ZNF267: variants seen among roughly 807,000 people sequenced by gnomAD.
ZNF267 encodes zinc finger protein 267.
A neutral mutation model predicts 71.6 loss-of-function variants in ZNF267; 61 were observed. The ratio of observed to expected loss-of-function variants is 0.85; its 90% CI spans 0.69 to 1.05. The LOEUF (loss-of-function observed/expected upper bound fraction) is 1.05, where lower values mean the gene tolerates loss of function less well. Ranked by LOEUF, ZNF267 falls within the 50% of genes least tolerant of loss-of-function variation. The pLI is 0.00. For missense variants in ZNF267, 852 were observed against 870.0 expected, an observed-to-expected ratio of 0.98 and a Z score of 0.26; for synonymous variants, 288 against 293.2, an observed-to-expected ratio of 0.98 and a Z score of 0.18.
chr16:31,899,678 A>T (rs1364984425), intron 3 of ZNF267, among the ~76,000 whole-genome samples: 1 of 152,186 alleles, frequency 6.6e-6, no homozygotes, highest in Admixed American at 6.5e-5. Flanking sequence ...AAAATGTGAG[A>T]GATGTGCCTA....
chr16:31,882,383 T>C (rs183017127), intron 1 of ZNF267, among the ~76,000 whole-genome samples: 1 of 152,194 alleles, frequency 6.6e-6, no homozygotes, highest in Non-Finnish European at 1.5e-5. Context: ...ATTAGAGTAT[T>C]GGGCGTAAGG....
chr16:31,881,853 CAG>C (rs1264805488), intron 1 of ZNF267, among the ~76,000 whole-genome samples: 1 of 151,930 alleles, frequency 6.6e-6, no homozygotes, highest in East Asian at 1.9e-4. Flanking sequence ...TTAGTAGAGA[CAG>C]GGTTTCACAA....
intron 3 of ZNF267, chr16:31,912,320 A>G (rs1427497941): frequency 1.3e-5 from 2 of 151,740 alleles, no homozygotes; most frequent in Admixed American, 1.3e-4. Flanking sequence ...GGGATAGACT[A>G]TTCTAGTGTA....
Position 31,914,583 on chromosome 16 carries a change from C to A in ZNF267, c.334C>A (p.His112Asn), listed in dbSNP as rs2084158745. 2 of 1,614,056 alleles carry A rather than the reference C, an allele frequency of 1.2e-6. No homozygotes were observed. The highest frequency in any genetic ancestry group is 2.7e-5 in the African/African-American group (2 of 75,002). Reference sequence around the variant, plus strand: ...TGGGAGCTGTGATCTTGAGAATTTACATTTAAGAAAAAGGTGGAAAAGGGA... The same window carrying A: ...TGGGAGCTGTGATCTTGAGAATTTAAATTTAAGAAAAAGGTGGAAAAGGGA... ...RHGSCDLENL[H>N]LRKRWKREEC... The change falls in exon 4 of 4, where the codon CAT becomes AAT. Residue 112 changes from histidine (H) to asparagine (N), a missense_variant. Physicochemically the swap from His to Asn is moderately conservative, Grantham distance 68. Transcript: ENST00000300870.
At chr16:31,874,183 C>T (rs1409328186) in intron 1 of ZNF267, 2 of 529,094 alleles carry the variant, frequency 3.8e-6, no homozygotes, top group African/African-American at 4.0e-5. Flanking sequence ...CCATCCCGAC[C>T]CCGCAGAGCG....
chr16:31,901,465 T>C (rs2142350813), intron 3 of ZNF267, among the ~76,000 whole-genome samples: 1 of 152,178 alleles, frequency 6.6e-6, no homozygotes, highest in Non-Finnish European at 1.5e-5. Flanking sequence ...AGCACTTGTT[T>C]CCTGACTTTT....
intron 3 of ZNF267, chr16:31,890,216 G>A (rs537039755): frequency 1.3e-5 from 2 of 152,162 alleles, no homozygotes; most frequent in East Asian, 3.9e-4. Context: ...GGACATTGAA[G>A]TTCCCTGTTA....
rs2084182896 is a variant in ZNF267 at position 31,916,910 on chromosome 16, C to T, written c.*429C>T. 6.2e-6 allele frequency: 1 copy of T among 162,094 alleles called. No individual in the cohort carries two copies. The highest frequency in any genetic ancestry group is 1.4e-5 in the Non-Finnish European group (1 of 73,678). 10.0% of individuals were successfully genotyped at this position (162,094 alleles called of 1,614,324 possible). A position where few individuals can be genotyped will look rare whatever the true frequency, so the allele number is the denominator to read the frequency against. ...AGCACAGACACTTTCAGCCTTTATACTAAATAAGAGTATTTTTTGTACAGA... is the reference window on the plus strand; with the variant it reads ...AGCACAGACACTTTCAGCCTTTATATTAAATAAGAGTATTTTTTGTACAGA... On this transcript the variant is annotated 3_prime_UTR_variant, in exon 4 of 4. Transcript: ENST00000300870.
chr16:31,910,678 A>T (rs1018745969), intron 3 of ZNF267, among the ~76,000 whole-genome samples: 5 of 151,482 alleles, frequency 3.3e-5, no homozygotes, highest in African/African-American at 1.2e-4. Flanking sequence ...TTATCTGCTT[A>T]AAAAAATCAA....
rs776693859 is a variant in ZNF267 at position 31,914,969 on chromosome 16, A to G, written c.720A>G (p.Leu240=). ...SPKNHQENYF[L]EKQYKCKEFE... is the part of the protein sequence containing the mutation. ...AAAATCATCAGGAAAATTATTTTCT[A>G]GAAAAACAATACAAATGTAAAGAAT... Residue 240 remains leucine (L), a synonymous_variant, in exon 4 of 4, where the codon CTA becomes CTG. Coordinates refer to ENST00000300870, the MANE Select transcript of ZNF267 (RefSeq NM_003414.6). 1 of 1,609,578 alleles carries G rather than the reference A, an allele frequency of 6.2e-7. No individual in the cohort carries two copies. Among genetic ancestry groups the G allele is most frequent in the Admixed American group, 1.7e-5 (1 of 59,084 alleles).
At chr16:31,876,532 T>A (rs1187861619) in intron 1 of ZNF267, among the ~76,000 whole-genome samples, 1 of 152,234 alleles carries the variant, frequency 6.6e-6, no homozygotes, top group Non-Finnish European at 1.5e-5. Context: ...GATGTATGGC[T>A]TTAATGCTGA....
intron 1 of ZNF267, chr16:31,875,447 C>A: frequency 1.6e-6 from 1 of 644,924 alleles, no homozygotes; most frequent in Non-Finnish European, 2.2e-6. Context: ...CTTGGAGACA[C>A]ATTGCTGGTC....
At chr16:31,903,882 G>C (rs559137026) in intron 3 of ZNF267, among the ~76,000 whole-genome samples, 435 of 152,222 alleles carry the variant, frequency 2.9e-3, no homozygotes, top group Non-Finnish European at 4.6e-3. Flanking sequence ...TGATGTTAGG[G>C]TGTCAATTTT....
At position 31,917,255 on chromosome 16, in the gene ZNF267, T is replaced by A. The variant is rs1168356678; in HGVS notation, c.*774T>A. The A allele has an allele frequency of 6.6e-6, 1 of 152,226 alleles. No homozygotes were observed. Among genetic ancestry groups the A allele is most frequent in the Non-Finnish European group, 1.5e-5 (1 of 68,010 alleles). 9.4% of individuals were successfully genotyped at this position (152,226 alleles called of 1,614,324 possible). A position where few individuals can be genotyped will look rare whatever the true frequency, so the allele number is the denominator to read the frequency against. ...ATGCCAAATGTAAAACACATGAAAA[T>A]TTTTAAAAATATGCTCTTTGTGTTT... On this transcript the variant is annotated 3_prime_UTR_variant, in exon 4 of 4. Coordinates refer to ENST00000300870, the MANE Select transcript of ZNF267 (RefSeq NM_003414.6).
At chr16:31,885,285 A>G (rs748111173) in intron 3 of ZNF267, 29 bp downstream of exon 3, 2 of 1,591,134 alleles carry the variant, frequency 1.3e-6, no homozygotes, top group South Asian at 1.1e-5. Flanking sequence ...AGTAGATGAC[A>G]TGGGCGAGAG....
intron 3 of ZNF267, among the ~76,000 whole-genome samples, chr16:31,905,436 A>C (rs1486228869): frequency 6.6e-6 from 1 of 152,148 alleles, no homozygotes; most frequent in Non-Finnish European, 1.5e-5. Flanking sequence ...TGAGACGTAG[A>C]TTTGGTCTTT....
In ZNF267 at chr16:31,901,934, A is replaced by C. The variant is rs540205687; in HGVS notation, c.227-12542A>C. ...AGGGTTCTTAAGTTTTAGGTCTAAT[A>C]TGTAAGTTTTTAATCCATCTTGAAT... On this transcript the variant is annotated intron_variant, in intron 3 of 3. Transcript: ENST00000300870. Among the ~76,000 whole-genome samples, 14 of 152,298 alleles carry C rather than the reference A, an allele frequency of 9.2e-5. No homozygotes were observed. The East Asian group carries it at 2.7e-3, about 29-fold the overall frequency.
intron 3 of ZNF267, chr16:31,894,887 A>C: frequency 2.5e-6 from 1 of 396,054 alleles, no homozygotes; most frequent in Non-Finnish European, 5.0e-6. Flanking sequence ...CTCTTTCATG[A>C]CCAACCTCGT....
intron 3 of ZNF267, among the ~76,000 whole-genome samples, chr16:31,902,777 C>T (rs1262025733): frequency 6.6e-6 from 1 of 152,074 alleles, no homozygotes; most frequent in Non-Finnish European, 1.5e-5. Flanking sequence ...AATTGAATAC[C>T]CTTTATTTCC....
Sources: allele counts gnomAD v4.1 joint callset (sites outside exome capture counted in the v4.1 genomes callset), GRCh38; gene constraint gnomAD v4.1.1; transcripts MANE v1.5; gene names NCBI Gene and HGNC (gene_info 2026-07-23, HGNC 2026-07-21).